CFAP96: variants seen among roughly 807,000 people sequenced by gnomAD.
CFAP96 encodes the protein cilia-and flagella-associated protein 96.
At chr4:185,439,472 A>G in the CFAP96 span, among the ~76,000 whole-genome samples, 1 of 152,150 alleles carries the variant, frequency 6.6e-6, no homozygotes. Context: ...ACTATTTTAG[A>G]TTTCATTTAT....
the CFAP96 span, chr4:185,445,535 GA>G: frequency 6.4e-7 from 1 of 1,558,542 alleles, no homozygotes; most frequent in African/African-American, 1.4e-5. Flanking sequence ...CTTTAACTTT[GA>G]AATAACCTAT....
the CFAP96 span, chr4:185,415,220 T>C: frequency 9.9e-6 from 16 of 1,608,534 alleles, no homozygotes; most frequent in Admixed American, 1.6e-4. Flanking sequence ...ACAAGATTTT[T>C]TTTCCCTGGT....
chr4:185,426,289 G>A, the CFAP96 span: 486 of 169,062 alleles, frequency 2.9e-3, 3 homozygotes, highest in African/African-American at 0.011. Flanking sequence ...TCGCGCGCTT[G>A]GGAACCCTCG....
At chr4:185,432,038 G>T in the CFAP96 span, 1 of 1,551,688 alleles carries the variant, frequency 6.4e-7, no homozygotes, top group Non-Finnish European at 8.7e-7. Context: ...AGGGTCCAAA[G>T]AAATGTCAGA....
the CFAP96 span, among the ~76,000 whole-genome samples, chr4:185,423,084 C>G: frequency 6.6e-6 from 1 of 152,200 alleles, no homozygotes; most frequent in Non-Finnish European, 1.5e-5. Flanking sequence ...GTCTTGAACT[C>G]CTGGCCTCAA....
the CFAP96 span, chr4:185,418,403 A>G: frequency 4.7e-6 from 7 of 1,484,284 alleles, no homozygotes; most frequent in Non-Finnish European, 6.5e-6. Flanking sequence ...CAAAGATTTA[A>G]CATTTTTATC....
chr4:185,411,028 CAAAG>C, the CFAP96 span, among the ~76,000 whole-genome samples: 15 of 145,060 alleles, frequency 1.0e-4, no homozygotes, highest in Admixed American at 2.1e-4. Context: ...GACAATAAAT[CAAAG>C]AAAGAGCAAA....
the CFAP96 span, among the ~76,000 whole-genome samples, chr4:185,439,712 CA>C: frequency 1.4e-5 from 2 of 147,640 alleles, no homozygotes; most frequent in Admixed American, 6.8e-5. Flanking sequence ...TACTAGATAG[CA>C]AAAAAATTAT....
At chr4:185,437,091 T>C in the CFAP96 span, among the ~76,000 whole-genome samples, 1 of 152,182 alleles carries the variant, frequency 6.6e-6, no homozygotes, top group Non-Finnish European at 1.5e-5. Flanking sequence ...CAAGAAGCCA[T>C]TATGATGAGC....
chr4:185,427,395 C>T, the CFAP96 span, among the ~76,000 whole-genome samples: 1 of 152,214 alleles, frequency 6.6e-6, no homozygotes, highest in Non-Finnish European at 1.5e-5. Flanking sequence ...TACGTATTAG[C>T]AATGATTCAT....
the CFAP96 span, among the ~76,000 whole-genome samples, chr4:185,443,764 T>C: frequency 6.6e-6 from 1 of 151,306 alleles, no homozygotes; most frequent in African/African-American, 2.4e-5. Flanking sequence ...CTTGGGTTTA[T>C]TTAACTTATG....
At chr4:185,417,815 A>T in the CFAP96 span, among the ~76,000 whole-genome samples, 1 of 152,110 alleles carries the variant, frequency 6.6e-6, no homozygotes. Flanking sequence ...AGCCTGAGGC[A>T]GGTGGATCGC....
chr4:185,410,672 C>T, the CFAP96 span, among the ~76,000 whole-genome samples: 7 of 145,126 alleles, frequency 4.8e-5, no homozygotes, highest in South Asian at 2.2e-4. Flanking sequence ...TTAGGCCGGG[C>T]GCAGTGGCTC....
the CFAP96 span, chr4:185,444,936 C>T: frequency 6.5e-7 from 1 of 1,538,786 alleles, no homozygotes; most frequent in Non-Finnish European, 8.8e-7. Flanking sequence ...TACAAAATCA[C>T]ATTAAGTTGT....
At chr4:185,422,021 A>C in the CFAP96 span, among the ~76,000 whole-genome samples, 1 of 152,326 alleles carries the variant, frequency 6.6e-6, no homozygotes. Context: ...CTGTAGTTCA[A>C]GTCAGCAACA....
chr4:185,436,131 G>T, the CFAP96 span: 1 of 1,551,186 alleles, frequency 6.4e-7, no homozygotes, highest in Non-Finnish European at 8.7e-7. Flanking sequence ...AAAATACAAG[G>T]CACCTGGAAA....
chr4:185,425,801 C>T, the CFAP96 span: 1 of 1,575,980 alleles, frequency 6.3e-7, no homozygotes, highest in South Asian at 1.2e-5. Context: ...CTGTGAAGCC[C>T]GCTCGTGGCG....
chr4:185,423,228 C>T, the CFAP96 span, among the ~76,000 whole-genome samples: 1 of 152,202 alleles, frequency 6.6e-6, no homozygotes. Context: ...TTGAGAACTA[C>T]TGCTTTAAGA....
At chr4:185,422,656 T>C in the CFAP96 span, 1 of 819,836 alleles carries the variant, frequency 1.2e-6, no homozygotes, top group Non-Finnish European at 1.9e-6. Context: ...GTTAAGACAT[T>C]AATTAACCTT....
Sources: allele counts gnomAD v4.1 joint callset (sites outside exome capture counted in the v4.1 genomes callset), GRCh38; gene constraint gnomAD v4.1.1; transcripts MANE v1.5; gene names NCBI Gene and HGNC (gene_info 2026-07-23, HGNC 2026-07-21).